The following MYH15 variants were observed in gnomAD, a reference collection of about 807,000 sequenced individuals.
The protein encoded by MYH15 is myosin-15.
A neutral mutation model predicts 240.5 loss-of-function variants in MYH15; 227 were observed. The observed-to-expected ratio is 0.94, with a 90% confidence interval of 0.85 to 1.05. The LOEUF is 1.05. Among genes scored for constraint, MYH15 ranks in the 50% least tolerant of loss-of-function variants. The probability of loss-of-function intolerance (pLI) is 0.00; values close to 1 mark genes in which losing one functional copy is unlikely to be tolerated. For missense variants in MYH15, 2,217 were observed against 2,247.5 expected, an observed-to-expected ratio of 0.99 and a Z score of 0.27; for synonymous variants, 785 against 796.7, an observed-to-expected ratio of 0.99 and a Z score of 0.25.
intron 14 of MYH15, among the ~76,000 whole-genome samples, chr3:108,467,761 T>G (rs1168508567): frequency 1.3e-5 from 2 of 152,274 alleles, no homozygotes; most frequent in Admixed American, 1.3e-4. Context: ...AAATATGTAA[T>G]CATATATTAA....
chr3:108,398,991 T>A (rs191820036), intron 34 of MYH15, 84 bp downstream of exon 34: 1 of 1,498,932 alleles, frequency 6.7e-7, no homozygotes, highest in Non-Finnish European at 9.2e-7. Flanking sequence ...TCTTTACTGC[T>A]GAACACAATC....
chr3:108,380,681 G>T lies in MYH15; in HGVS notation c.*864C>A, dbSNP rs2082335901. 1 of 152,548 alleles carries T rather than the reference G, an allele frequency of 6.6e-6. No homozygotes were observed. The highest frequency in any genetic ancestry group is 2.4e-5 in the African/African-American group (1 of 41,450). The allele number at this position is 152,548 out of a possible 1,614,324, so 9.4% of individuals were successfully genotyped here. On this transcript the variant is annotated 3_prime_UTR_variant, in exon 41 of 41. Coordinates refer to ENST00000693548, the MANE Select transcript of MYH15 (RefSeq NM_014981.3). ...CTGGCAGGAGCTGGAAGAGCTCTGG[G>T]TCCAGGGAGCTGTCTCTGGTCTCTT...
In MYH15 at chr3:108,410,900, G is replaced by A. The variant is rs781352497; in HGVS notation, c.4178C>T (p.Ala1393Val). 1.3e-5 allele frequency: 21 copies of A among 1,604,782 alleles called. No individual in the cohort carries two copies. The East Asian group carries it at 2.0e-4, about 15-fold the overall frequency. Reference protein sequence around the residue: ...KELAIRLQEAAEAMGVANARN... With the variant: ...KELAIRLQEAVEAMGVANARN... ...GGCATTGGCCACCCCCATGGCTTCG[G>A]CTGCCTCCTGCAATCTAATTGCCAG... The change falls in exon 31 of 41, where the codon GCC becomes GTC. Residue 1393 changes from alanine to valine, a missense_variant. Coordinates refer to ENST00000693548, the MANE Select transcript of MYH15 (RefSeq NM_014981.3).
At chr3:108,520,884 T>G (rs1483040215) in intron 1 of MYH15, among the ~76,000 whole-genome samples, 1 of 152,130 alleles carries the variant, frequency 6.6e-6, no homozygotes, top group Non-Finnish European at 1.5e-5. Context: ...TGGATTATAT[T>G]CCAAGTGATT....
chr3:108,516,430 C>T (rs2083573429), intron 1 of MYH15, among the ~76,000 whole-genome samples: 1 of 152,136 alleles, frequency 6.6e-6, no homozygotes, highest in Non-Finnish European at 1.5e-5. Context: ...TTATCAAGCA[C>T]TTAAATGATC....
rs981366151 is a variant in MYH15 at position 108,497,983 on chromosome 3, G to A, written c.618+69C>T. The A allele has an allele frequency of 3.5e-5, 48 of 1,391,088 alleles. No homozygotes were observed. The East Asian group carries it at 5.1e-4, about 15-fold the overall frequency. The allele number at this position is 1,391,088 out of a possible 1,614,324, so 86.2% of individuals were successfully genotyped here. On this transcript the variant is annotated intron_variant, in intron 6 of 40. Transcript: ENST00000693548. ...TGGCCTCACTTCCCAAAAGTGGTCC[G>A]GACACAACCTCCATGATCCAGTGGA...
At chr3:108,534,535 T>C in the MYH15 span, among the ~76,000 whole-genome samples, 27 of 152,232 alleles carry the variant, frequency 1.8e-4, no homozygotes, top group Non-Finnish European at 1.6e-4. Flanking sequence ...AATTGTCTTC[T>C]TTACAAGTTG....
At chr3:108,461,646 T>C (rs1185473349) in intron 16 of MYH15, 1 of 152,168 alleles carries the variant, frequency 6.6e-6, no homozygotes, top group Non-Finnish European at 1.5e-5. Context: ...TAAGCTTATG[T>C]GGCTACTATC....
chr3:108,418,112 T>C (rs1424582285), intron 28 of MYH15, among the ~76,000 whole-genome samples: 2 of 152,168 alleles, frequency 1.3e-5, no homozygotes, highest in Non-Finnish European at 2.9e-5. Flanking sequence ...TGAGAAATCA[T>C]CTGCCAAACA....
At chr3:108,389,124 T>C (rs1227045902) in intron 37 of MYH15, 50 bp from the exon 38 acceptor site, 5 of 1,512,126 alleles carry the variant, frequency 3.3e-6, no homozygotes, top group East Asian at 2.3e-5. Context: ...AAGTCTGGCA[T>C]TCTATTTGCT....
intron 40 of MYH15, 30 bp downstream of exon 40, chr3:108,383,565 A>G: frequency 6.2e-7 from 1 of 1,608,274 alleles, no homozygotes; most frequent in Non-Finnish European, 8.5e-7. Context: ...ATGATTAAAG[A>G]GTTAGAACAG....
chr3:108,435,732 A>G (rs35423486), intron 25 of MYH15, among the ~76,000 whole-genome samples: 11,842 of 143,172 alleles, frequency 0.083, 522 homozygotes, highest in Middle Eastern at 0.11. Flanking sequence ...AGATGTATGT[A>G]TGAATGTATG....
intron 3 of MYH15, among the ~76,000 whole-genome samples, chr3:108,501,115 C>T (rs1173346284): frequency 2.0e-5 from 3 of 152,182 alleles, no homozygotes; most frequent in South Asian, 4.1e-4. Flanking sequence ...AATACAGTTA[C>T]ATGGTAAATC....
intron 1 of MYH15, among the ~76,000 whole-genome samples, chr3:108,522,738 A>G (rs942697563): frequency 6.6e-6 from 1 of 152,156 alleles, no homozygotes; most frequent in Non-Finnish European, 1.5e-5. Flanking sequence ...AGCGTTTACT[A>G]TACAGATGCT....
intron 32 of MYH15, among the ~76,000 whole-genome samples, chr3:108,406,869 T>C (rs1349766330): frequency 6.6e-6 from 1 of 152,236 alleles, no homozygotes; most frequent in East Asian, 1.9e-4. Flanking sequence ...CTCTGTGTTA[T>C]ACAGGACATA....
upstream of MYH15, among the ~76,000 whole-genome samples, chr3:108,532,086 AAG>A (rs1299347244): frequency 2.0e-5 from 3 of 152,150 alleles, no homozygotes; most frequent in Non-Finnish European, 4.4e-5. Flanking sequence ...AAAGAGAAAA[AAG>A]AGAGATCAAA....
intron 33 of MYH15, chr3:108,405,078 AT>A (rs1337277801): frequency 3.3e-5 from 7 of 215,050 alleles, no homozygotes; most frequent in Non-Finnish European, 6.4e-5. Flanking sequence ...TCTGTACACA[AT>A]TGTGTATAAA....
intron 6 of MYH15, among the ~76,000 whole-genome samples, chr3:108,497,208 AATC>A (rs2083398421): frequency 6.6e-6 from 1 of 150,676 alleles, no homozygotes; most frequent in East Asian, 1.9e-4. Flanking sequence ...TACCCAAAGA[AATC>A]AATAATCAAA....
the MYH15 span, among the ~76,000 whole-genome samples, chr3:108,549,340 A>G: frequency 6.6e-6 from 1 of 152,010 alleles, no homozygotes; most frequent in African/African-American, 2.4e-5. Flanking sequence ...GGCACTCAGA[A>G]AAACAACAGA....
Sources: gnomAD v4.1 joint callset for allele counts (sites outside exome capture counted in the v4.1 genomes callset) on GRCh38, gnomAD v4.1.1 for gene constraint, MANE v1.5 for transcripts, NCBI Gene and HGNC (gene_info 2026-07-23, HGNC 2026-07-21) for gene names.